Variants in MTA3 observed in about 807,000 individuals in gnomAD.
MTA3 encodes metastasis-associated protein MTA3.
A neutral mutation model predicts 83.5 loss-of-function variants in MTA3; 34 were observed. The ratio of observed to expected loss-of-function variants is 0.41; its 90% CI spans 0.31 to 0.54. MTA3 has a LOEUF of 0.54. MTA3 is among the 20% of genes least tolerant of loss of function. The pLI is 0.33. For missense variants in MTA3, 761 were observed against 726.4 expected (o/e 1.05, Z -0.55); for synonymous variants, 303 against 252.7 (o/e 1.20, Z -1.89).
intron 8 of MTA3, among the ~76,000 whole-genome samples, chr2:42,678,322 A>G (rs1349855053): frequency 3.9e-5 from 6 of 152,114 alleles, no homozygotes; most frequent in Non-Finnish European, 5.9e-5. Flanking sequence ...GTGAAAGCCA[A>G]TGATTTATTT....
chr2:42,548,812 T>A (rs12472044), intron 2 of MTA3, among the ~76,000 whole-genome samples: 9,257 of 36,468 alleles, frequency 0.25, 2,173 homozygotes, highest in African/African-American at 0.49. Flanking sequence ...CAAAAAAAAA[T>A]ATATATATAT....
At chr2:42,708,260 CA>C (rs535476539) in intron 13 of MTA3, among the ~76,000 whole-genome samples, 2 of 151,844 alleles carry the variant, frequency 1.3e-5, no homozygotes, top group East Asian at 1.9e-4. Context: ...TGGTCTCAGA[CA>C]AAAAAACAAT....
intron 1 of MTA3, among the ~76,000 whole-genome samples, 176 bp from the exon 2 acceptor site, chr2:42,570,259 CTG>C (rs777417805): frequency 1.1e-4 from 16 of 152,112 alleles, no homozygotes; most frequent in Non-Finnish European, 1.2e-4. Context: ...AAATAAAGGT[CTG>C]TGAATAGTAG....
chr2:42,691,762 C>T lies in MTA3; in HGVS notation c.892-4003C>T, dbSNP rs185690798. Reference sequence around the variant, plus strand: ...TCAGCAAGTCTTTATTTCTCCATCACGTTTGAAGGACATTTTCACTGGATA... The same window carrying T: ...TCAGCAAGTCTTTATTTCTCCATCATGTTTGAAGGACATTTTCACTGGATA... On this transcript the variant is annotated intron_variant, in intron 9 of 16. Coordinates refer to ENST00000405094, the MANE Select transcript of MTA3 (RefSeq NM_001330442.2). 1.6e-3 allele frequency among the ~76,000 whole-genome samples: 250 copies of T among 152,260 alleles called. 1 individual carries two copies. Among genetic ancestry groups the T allele is most frequent in the South Asian group, 4.8e-3 (23 of 4,826 alleles).
chr2:42,733,152 T>C (rs1668356172), intron 16 of MTA3, among the ~76,000 whole-genome samples: 1 of 152,204 alleles, frequency 6.6e-6, no homozygotes, highest in African/African-American at 2.4e-5. Flanking sequence ...TAGTCTGTTT[T>C]CACACTGCTG....
chr2:42,618,519 A>G (rs1298839707), intron 4 of MTA3, among the ~76,000 whole-genome samples: 1 of 152,378 alleles, frequency 6.6e-6, no homozygotes, highest in Non-Finnish European at 1.5e-5. Flanking sequence ...GTTGACATGT[A>G]GAAAATATAG....
rs557703170 is a variant in MTA3 at position 42,672,911 on chromosome 2, A to G, written c.703-9490A>G. Among the ~76,000 whole-genome samples, 81 of 148,290 alleles carry G rather than the reference A, an allele frequency of 5.5e-4. 2 individuals carry two copies. The highest frequency in any genetic ancestry group is 4.7e-3 in the Admixed American group (69 of 14,590). On this transcript the variant is annotated intron_variant, in intron 8 of 16. Transcript: ENST00000405094. ...ACCCAGGCTGGAGTGCAATGGTGCA[A>G]TCTCAGCTCACTGCTACCTCTGCCT...
chr2:42,552,004 G>A (rs1288609674), intron 2 of MTA3, among the ~76,000 whole-genome samples: 2 of 152,182 alleles, frequency 1.3e-5, no homozygotes, highest in Admixed American at 6.5e-5. Flanking sequence ...GGGATTACAA[G>A]TGTGAGCCAC....
At chr2:42,524,827 C>CAA (rs59653736) in intron 2 of MTA3, among the ~76,000 whole-genome samples, 1 of 126,454 alleles carries the variant, frequency 7.9e-6, no homozygotes, top group African/African-American at 2.8e-5. Context: ...ATCTAGCATC[C>CAA]AAAAAAAAAA....
At chr2:42,622,741 C>T (rs373863581) in intron 4 of MTA3, among the ~76,000 whole-genome samples, 1 of 151,878 alleles carries the variant, frequency 6.6e-6, no homozygotes, top group Non-Finnish European at 1.5e-5. Context: ...ATCTTCCCAC[C>T]TTAGTCTCTC....
chr2:42,662,603 C>T (rs1037034206), intron 8 of MTA3, among the ~76,000 whole-genome samples: 2 of 151,834 alleles, frequency 1.3e-5, no homozygotes, highest in Non-Finnish European at 2.9e-5. Flanking sequence ...TTTTGTAGAT[C>T]TATTTTTCCC....
intron 8 of MTA3, among the ~76,000 whole-genome samples, chr2:42,666,454 G>A (rs1369081702): frequency 6.6e-6 from 1 of 152,068 alleles, no homozygotes; most frequent in Non-Finnish European, 1.5e-5. Flanking sequence ...TGCCCAAACA[G>A]TCCTCCGTCC....
chr2:42,673,698 G>A (rs1691055777), intron 8 of MTA3, among the ~76,000 whole-genome samples: 1 of 152,150 alleles, frequency 6.6e-6, no homozygotes, highest in Admixed American at 6.5e-5. Context: ...GGATACAATC[G>A]AATGAAGGCC....
chr2:42,726,856 T>C (rs926848574), intron 16 of MTA3, among the ~76,000 whole-genome samples: 1 of 152,144 alleles, frequency 6.6e-6, no homozygotes, highest in Non-Finnish European at 1.5e-5. Context: ...ACACAGGCCC[T>C]GTGACCAATC....
chr2:42,504,907 T>C (rs1179606989), intron 2 of MTA3, among the ~76,000 whole-genome samples: 1 of 152,156 alleles, frequency 6.6e-6, no homozygotes, highest in East Asian at 1.9e-4. Context: ...AGCCCCTCTT[T>C]GTAATCTTCA....
intron 15 of MTA3, among the ~76,000 whole-genome samples, chr2:42,720,383 T>G (rs1667318677): frequency 6.6e-6 from 1 of 151,872 alleles, no homozygotes; most frequent in Non-Finnish European, 1.5e-5. Context: ...GGGTTTCACC[T>G]TGTTAGCCAG....
intron 4 of MTA3, among the ~76,000 whole-genome samples, chr2:42,636,190 C>G (rs533967968): frequency 6.6e-6 from 1 of 152,218 alleles, no homozygotes; most frequent in South Asian, 2.1e-4. Flanking sequence ...TGGTACAGCA[C>G]TAAGATATCT....
intron 2 of MTA3, among the ~76,000 whole-genome samples, chr2:42,527,834 A>C (rs1286231906): frequency 6.6e-6 from 1 of 151,840 alleles, no homozygotes; most frequent in East Asian, 1.9e-4. Flanking sequence ...TAAAAAAAAA[A>C]AAACAAAAAC....
At chr2:42,729,257 C>T (rs1351247734) in intron 16 of MTA3, among the ~76,000 whole-genome samples, 7 of 151,318 alleles carry the variant, frequency 4.6e-5, no homozygotes, top group Non-Finnish European at 7.4e-5. Context: ...CCACCACGCC[C>T]GGCTAATTTT....
Sources: allele counts gnomAD v4.1 joint callset (sites outside exome capture counted in the v4.1 genomes callset), GRCh38; gene constraint gnomAD v4.1.1; transcripts MANE v1.5; gene names NCBI Gene and HGNC (gene_info 2026-07-23, HGNC 2026-07-21).